Variants in ITGB5 observed in about 807,000 individuals in gnomAD.
ITGB5 encodes the protein integrin subunit beta 5.
ITGB5 carries 38 observed loss-of-function variants against 84.8 expected under a neutral mutation model. The ratio of observed to expected loss-of-function variants is 0.45; its 90% CI spans 0.35 to 0.59. The LOEUF is 0.59. Among genes scored for constraint, ITGB5 ranks in the 20% least tolerant of loss-of-function variants. ITGB5 has a pLI of 0.01. For synonymous variants in ITGB5, 393 were observed against 414.4 expected (o/e 0.95, Z 0.63); for missense variants, 905 against 1,034.5 (o/e 0.87, Z 1.72).
chr3:124,884,211 CAAA>C (rs57376202), intron 1 of ITGB5, among the ~76,000 whole-genome samples: 1 of 127,896 alleles, frequency 7.8e-6, no homozygotes, highest in Non-Finnish European at 1.8e-5. Flanking sequence ...GGAAGGGAAG[CAAA>C]AAAAAAAAAG....
chr3:124,891,105 G>A (rs1489987489), upstream of ITGB5, among the ~76,000 whole-genome samples: 1 of 152,268 alleles, frequency 6.6e-6, no homozygotes, highest in East Asian at 1.9e-4. Flanking sequence ...GACGGGGTTT[G>A]AGCATGGATA....
intron 4 of ITGB5, among the ~76,000 whole-genome samples, chr3:124,845,169 A>C (rs1314533085): frequency 6.6e-6 from 1 of 152,210 alleles, no homozygotes; most frequent in African/African-American, 2.4e-5. Flanking sequence ...GTGGTGGCCC[A>C]CCCCTGTAAT....
chr3:124,772,271 C>A (rs1179381751), intron 11 of ITGB5, among the ~76,000 whole-genome samples: 1 of 152,186 alleles, frequency 6.6e-6, no homozygotes, highest in Non-Finnish European at 1.5e-5. Flanking sequence ...CCCCCATCTC[C>A]TCCAATTAAA....
chr3:124,899,292 C>A (rs746757482), intron 1 of ITGB5, among the ~76,000 whole-genome samples: 12 of 151,910 alleles, frequency 7.9e-5, no homozygotes, highest in Non-Finnish European at 1.8e-4. Flanking sequence ...TTGTTGAGGG[C>A]TTTTTACATA....
intron 6 of ITGB5, 120 bp from the exon 7 acceptor site, chr3:124,819,954 C>T (rs2064675216): frequency 1.3e-6 from 1 of 770,452 alleles, no homozygotes; most frequent in Non-Finnish European, 2.4e-6. Context: ...CCTTAGGTGG[C>T]CCCTTAGAGT....
upstream of ITGB5, among the ~76,000 whole-genome samples, chr3:124,889,390 A>G (rs560895379): frequency 6.6e-6 from 1 of 152,244 alleles, no homozygotes; most frequent in South Asian, 2.1e-4. Flanking sequence ...AAACCAAACC[A>G]ATGTACGTCT....
At chr3:124,774,624 A>C (rs1559926033) in intron 10 of ITGB5, among the ~76,000 whole-genome samples, 1 of 152,160 alleles carries the variant, frequency 6.6e-6, no homozygotes, top group Non-Finnish European at 1.5e-5. Flanking sequence ...CCAGAGCTGT[A>C]AGAAAATAAA....
At chr3:124,795,615 G>A (rs1352131227) in intron 10 of ITGB5, among the ~76,000 whole-genome samples, 1 of 152,188 alleles carries the variant, frequency 6.6e-6, no homozygotes, top group South Asian at 2.1e-4. Context: ...ATGTGAGTAA[G>A]CTGAGGACCT....
chr3:124,769,912 C>G (rs903133632), intron 11 of ITGB5: 1 of 152,252 alleles, frequency 6.6e-6, no homozygotes. Flanking sequence ...CCTTGAGCCT[C>G]TCTCCTCCCA....
intron 9 of ITGB5, 127 bp downstream of exon 9, chr3:124,808,895 G>A (rs1229659837): frequency 2.8e-6 from 3 of 1,064,300 alleles, no homozygotes; most frequent in Non-Finnish European, 4.1e-6. Context: ...GACTCCTCTG[G>A]GATGCTGAAT....
chr3:124,773,982 C>A (rs1446575906), intron 10 of ITGB5, 70 bp from the exon 11 acceptor site: 1 of 1,387,582 alleles, frequency 7.2e-7, no homozygotes, highest in Non-Finnish European at 1.0e-6. Context: ...ATCTGGTGCC[C>A]CACATGCCAG....
intron 2 of ITGB5, among the ~76,000 whole-genome samples, chr3:124,868,618 CAAAAAAAAAA>C (rs67873873): frequency 1.2e-4 from 8 of 68,148 alleles, no homozygotes; most frequent in African/African-American, 3.0e-4. Flanking sequence ...TGTTCTCTAC[CAAAAAAAAAA>C]AAAAAAAAAA....
intron 2 of ITGB5, among the ~76,000 whole-genome samples, chr3:124,861,773 G>A (rs904525944): frequency 6.6e-6 from 1 of 152,100 alleles, no homozygotes; most frequent in African/African-American, 2.4e-5. Context: ...TGTTGGCCAG[G>A]ATGGCCTCGA....
chr3:124,762,137 A>G lies in ITGB5; in HGVS notation c.*1486T>C, dbSNP rs1232383843. 1 of 152,230 alleles carries G rather than the reference A, an allele frequency of 6.6e-6. No individual in the cohort carries two copies. The highest frequency in any genetic ancestry group is 1.5e-5 in the Non-Finnish European group (1 of 68,044). 9.4% of individuals were successfully genotyped at this position (152,230 alleles called of 1,614,324 possible). A position where few individuals can be genotyped will look rare whatever the true frequency, so the allele number is the denominator to read the frequency against. ...AACTCAATCTGTTCGTATTTGCCCCAGGTAATAGGTTCTATGTAGTGACAG... is the reference window on the plus strand; with the variant it reads ...AACTCAATCTGTTCGTATTTGCCCCGGGTAATAGGTTCTATGTAGTGACAG... On this transcript the variant is annotated 3_prime_UTR_variant, in exon 15 of 15. Coordinates refer to ENST00000296181, the MANE Select transcript of ITGB5 (RefSeq NM_002213.5).
upstream of ITGB5, chr3:124,887,638 G>A (rs1451715281): frequency 2.3e-6 from 1 of 441,640 alleles, no homozygotes; most frequent in Admixed American, 2.4e-5. Flanking sequence ...AGTAGAGCCC[G>A]CTCCCGTTGC....
chr3:124,883,063 C>T lies in ITGB5; in HGVS notation c.70+3868G>A, dbSNP rs552996400. ...ACGGCAGTCAGTTCTCCAAGGCCCT[C>T]GGCTCCAGCCAACTGGAAATACCTG... On this transcript the variant is annotated intron_variant, in intron 1 of 14. Transcript: ENST00000296181. Among the ~76,000 whole-genome samples the T allele has an allele frequency of 2.6e-5, 4 of 152,308 alleles. No individual in the cohort carries two copies. The South Asian group carries it at 8.3e-4, about 32-fold the overall frequency.
At chr3:124,820,854 G>A (rs2064690956) in intron 6 of ITGB5, among the ~76,000 whole-genome samples, 1 of 152,136 alleles carries the variant, frequency 6.6e-6, no homozygotes. Context: ...ATTCCATGCA[G>A]AACACTTCTG....
chr3:124,782,586 G>A (rs145834612), intron 10 of ITGB5, among the ~76,000 whole-genome samples: 2,099 of 152,290 alleles, frequency 0.014, 34 homozygotes, highest in South Asian at 0.044. Flanking sequence ...GGCTGGGCAC[G>A]GTGGCTCACG....
chr3:124,853,656 T>C (rs1477044395), intron 3 of ITGB5, among the ~76,000 whole-genome samples: 1 of 151,636 alleles, frequency 6.6e-6, no homozygotes, highest in East Asian at 1.9e-4. Flanking sequence ...AAGTAGAACC[T>C]GGAAGGAGAA....
Sources: allele counts gnomAD v4.1 joint callset (sites outside exome capture counted in the v4.1 genomes callset), GRCh38; gene constraint gnomAD v4.1.1; transcripts MANE v1.5; gene names NCBI Gene and HGNC (gene_info 2026-07-23, HGNC 2026-07-21).